The following ACSBG1 variants were observed in gnomAD, a reference collection of about 807,000 sequenced individuals.
ACSBG1 encodes the protein acyl-CoA synthetase bubblegum family member 1.
In ACSBG1, 39 loss-of-function variants were observed where a neutral mutation model predicts 80.2. That is an observed-to-expected ratio of 0.49 (90% CI 0.38 to 0.64). The LOEUF (loss-of-function observed/expected upper bound fraction) is 0.64, where lower values mean the gene tolerates loss of function less well. Among genes scored for constraint, ACSBG1 ranks in the 30% least tolerant of loss-of-function variants. ACSBG1 has a pLI of 0.00. For missense variants in ACSBG1, 828 were observed against 966.4 expected, an observed-to-expected ratio of 0.86 and a Z score of 1.90; for synonymous variants, 392 against 379.5, an observed-to-expected ratio of 1.03 and a Z score of -0.38.
chr15:78,201,741 G>A (rs1339285348), intron 2 of ACSBG1, among the ~76,000 whole-genome samples: 1 of 152,244 alleles, frequency 6.6e-6, no homozygotes. Context: ...TCTGGACAAT[G>A]AGTTAGAAGG....
At chr15:78,206,164 G>T (rs915558051) in intron 2 of ACSBG1, among the ~76,000 whole-genome samples, 1 of 152,118 alleles carries the variant, frequency 6.6e-6, no homozygotes, top group Non-Finnish European at 1.5e-5. Flanking sequence ...CGCTCTGGGC[G>T]CCTGCTGACA....
chr15:78,224,011 C>T (rs1190043278), intron 1 of ACSBG1, among the ~76,000 whole-genome samples: 2 of 152,120 alleles, frequency 1.3e-5, no homozygotes, highest in African/African-American at 4.8e-5. Flanking sequence ...AAGAGCAGTC[C>T]TCCTGACACC....
intron 5 of ACSBG1, among the ~76,000 whole-genome samples, chr15:78,188,125 G>A (rs1289413009): frequency 6.6e-6 from 1 of 152,170 alleles, no homozygotes; most frequent in Non-Finnish European, 1.5e-5. Flanking sequence ...CAAGGGACGT[G>A]AAGGACCTCT....
intron 2 of ACSBG1, among the ~76,000 whole-genome samples, chr15:78,202,652 A>C (rs1179266780): frequency 6.6e-6 from 1 of 152,220 alleles, no homozygotes; most frequent in Non-Finnish European, 1.5e-5. Flanking sequence ...AGCAGCAAAA[A>C]TACAATCAGG....
chr15:78,234,258 G>A, intron 1 of ACSBG1, 113 bp downstream of exon 1: 1 of 1,423,510 alleles, frequency 7.0e-7, no homozygotes, highest in Non-Finnish European at 9.5e-7. Context: ...CATTTCCCAG[G>A]TGAAGAAACT....
At chr15:78,234,152 T>G (rs891900183) in intron 1 of ACSBG1, among the ~76,000 whole-genome samples, 5 of 152,254 alleles carry the variant, frequency 3.3e-5, no homozygotes, top group Non-Finnish European at 5.9e-5. Flanking sequence ...ACCCCTGGGA[T>G]GTGCCTCATT....
chr15:78,182,831 C>T (rs1287466639), intron 5 of ACSBG1, 46 bp from the exon 6 acceptor site: 2 of 1,604,448 alleles, frequency 1.2e-6, no homozygotes, highest in Non-Finnish European at 1.7e-6. Flanking sequence ...AGAGAAATGT[C>T]ACCTTCTAAA....
chr15:78,218,796 G>A (rs996785372), intron 1 of ACSBG1, among the ~76,000 whole-genome samples: 4 of 41,262 alleles, frequency 9.7e-5, no homozygotes, highest in Admixed American at 7.9e-4. Context: ...TTTTGAGACG[G>A]AGTATCGCTC....
rs1194405960 is a variant in ACSBG1, at chr15:78,174,415, C to T, written c.1812G>A (p.Arg604=). 1 of 1,614,204 alleles carries T rather than the reference C, an allele frequency of 6.2e-7. No individual in the cohort carries two copies. The highest frequency in any genetic ancestry group is 1.1e-5 in the South Asian group (1 of 91,088). The change falls in exon 12 of 14, where the codon AGG becomes AGA. Residue 604 remains arginine, a synonymous_variant. Coordinates refer to ENST00000258873, the MANE Select transcript of ACSBG1 (RefSeq NM_015162.5). ...AGGTGAGCAGCATGGACAGGAACTT[C>T]CTCTGGTCCCCAATGAGCATGGCGT... ...ISNAMLIGDQ[R]KFLSMLLTLK...
At chr15:78,181,674 C>A (rs1220686115) in intron 8 of ACSBG1, among the ~76,000 whole-genome samples, 1 of 151,756 alleles carries the variant, frequency 6.6e-6, no homozygotes, top group East Asian at 1.9e-4. Context: ...TTTGTATTTT[C>A]AGTAGAGATG....
At chr15:78,232,268 A>G (rs1170358710) in intron 1 of ACSBG1, among the ~76,000 whole-genome samples, 1 of 152,228 alleles carries the variant, frequency 6.6e-6, no homozygotes, top group African/African-American at 2.4e-5. Context: ...AGGTTAAACA[A>G]TGTATCCAAA....
In ACSBG1 at chr15:78,170,357, G is replaced by A. The variant is rs1423916733; in HGVS notation, c.*1087C>T. ...TTGCAAAATGTACCCAGGTCACAAG[G>A]GGATTTTTTTTTTTTTAGCAATGAT... is the stretch of plus-strand genomic sequence containing the variant. On this transcript the variant is annotated 3_prime_UTR_variant, in exon 14 of 14. Transcript: ENST00000258873. 6.6e-6 allele frequency: 1 copy of A among 151,982 alleles called. No homozygotes were observed. Among genetic ancestry groups the A allele is most frequent in the Non-Finnish European group, 1.5e-5 (1 of 67,990 alleles). The allele number at this position is 151,982 out of a possible 1,614,324, so 9.4% of individuals were successfully genotyped here. A position where few individuals can be genotyped will look rare whatever the true frequency, so the allele number is the denominator to read the frequency against.
Position 78,177,562 on chromosome 15 carries a change from G to A in ACSBG1, c.1702+1052C>T, listed in dbSNP as rs2074894305. Among the ~76,000 whole-genome samples the A allele has an allele frequency of 1.3e-5, 2 of 152,100 alleles. No individual in the cohort carries two copies. The highest frequency in any genetic ancestry group is 2.4e-5 in the African/African-American group (1 of 41,398). On this transcript the variant is annotated intron_variant, in intron 11 of 13. Transcript: ENST00000258873. The surrounding 1 kb of genome is among the most constrained non-coding windows in gnomAD (Gnocchi z 4.1). ...GCCATTACAAAGAGGCACACTAGGC[G>A]GCGCCCATGGCACATCCAAGCAGTC...
intron 5 of ACSBG1, among the ~76,000 whole-genome samples, chr15:78,190,310 A>AT (rs140478601): frequency 1 from 151,986 of 151,994 alleles, 75,989 homozygotes; most frequent in Middle Eastern, 1. Context: ...AAACCCCACA[A>AT]ACATTGTTAT....
chr15:78,221,481 A>C (rs7163803), intron 1 of ACSBG1, among the ~76,000 whole-genome samples: 39,531 of 152,104 alleles, frequency 0.26, 5,622 homozygotes, highest in Non-Finnish European at 0.32. Flanking sequence ...GCCACAGGGC[A>C]GTTTTCTCCT....
At chr15:78,212,528 G>T (rs1468601323) in intron 1 of ACSBG1, 2 of 455,366 alleles carry the variant, frequency 4.4e-6, no homozygotes, top group South Asian at 1.6e-5. Context: ...GGCGGGGGAA[G>T]GTGGGCTCCT....
intron 4 of ACSBG1, 61 bp from the exon 5 acceptor site, chr15:78,193,687 C>A: frequency 6.4e-7 from 1 of 1,561,860 alleles, no homozygotes; most frequent in Non-Finnish European, 8.7e-7. Context: ...CCCCTTCCCC[C>A]ACCCCCACAT....
chr15:78,209,197 A>G (rs2075246377), intron 1 of ACSBG1: 1 of 456,000 alleles, frequency 2.2e-6, no homozygotes, highest in Non-Finnish European at 4.4e-6. Context: ...TTCCGAACAA[A>G]ACTAAGTTTG....
intron 5 of ACSBG1, among the ~76,000 whole-genome samples, chr15:78,185,409 T>C (rs1018606621): frequency 2.6e-5 from 4 of 152,114 alleles, no homozygotes; most frequent in Non-Finnish European, 5.9e-5. Flanking sequence ...GTCTTAGTGA[T>C]GAGGCTAAAT....
Sources: gnomAD v4.1 joint callset for allele counts (sites outside exome capture counted in the v4.1 genomes callset) on GRCh38, gnomAD v4.1.1 for gene constraint, Gnocchi (gnomAD v3.1) non-coding constraint, MANE v1.5 for transcripts, NCBI Gene and HGNC (gene_info 2026-07-23, HGNC 2026-07-21) for gene names.